DEPTOR: variants seen among roughly 807,000 people sequenced by gnomAD.
DEPTOR encodes the protein DEP domain-containing mTOR-interacting protein.
In DEPTOR, 41 loss-of-function variants were observed where a neutral mutation model predicts 41.6. That is an observed-to-expected ratio of 0.98 (90% CI 0.77 to 1.28). The LOEUF (loss-of-function observed/expected upper bound fraction) is 1.28. Ranked by LOEUF, DEPTOR falls within the 50% of genes most tolerant of loss-of-function variation. The probability of loss-of-function intolerance (pLI) is 0.00; values close to 1 mark genes in which losing one functional copy is unlikely to be tolerated. For missense variants in DEPTOR, 514 were observed against 527.9 expected (o/e 0.97, Z 0.26); for synonymous variants, 195 against 192.3 (o/e 1.01, Z -0.12).
intron 1 of DEPTOR, 85 bp downstream of exon 1, chr8:119,874,053 C>G: frequency 1.3e-6 from 2 of 1,575,914 alleles, no homozygotes; most frequent in South Asian, 2.3e-5. Context: ...CGCTCCCTGG[C>G]TCGTGGCTTG....
At chr8:119,874,910 A>G (rs1391374945) in intron 1 of DEPTOR, among the ~76,000 whole-genome samples, 1 of 151,960 alleles carries the variant, frequency 6.6e-6, no homozygotes, top group East Asian at 1.9e-4. Flanking sequence ...TTGAGCCACA[A>G]CTTGTACGCG....
intron 1 of DEPTOR, among the ~76,000 whole-genome samples, chr8:119,924,855 G>C (rs1355203421): frequency 3.3e-5 from 5 of 152,138 alleles, no homozygotes; most frequent in Admixed American, 3.3e-4. Flanking sequence ...GAGCATAGTA[G>C]GCAATAGGTG....
rs1827198329 is a variant in DEPTOR, at chr8:119,873,968, G to T, written c.122G>T (p.Arg41Leu). 2 of 1,613,494 alleles carry T rather than the reference G, an allele frequency of 1.2e-6. No individual in the cohort carries two copies. Among genetic ancestry groups the T allele is most frequent in the Non-Finnish European group, 1.7e-6 (2 of 1,179,844 alleles). Residue 41 changes from arginine to leucine, a missense_variant and splice_region_variant, in exon 1 of 9, where the codon CGG (arginine) becomes CTG (leucine). By Grantham distance (102) the Arg-to-Leu change is moderately radical. Coordinates refer to ENST00000286234, the MANE Select transcript of DEPTOR (RefSeq NM_022783.4). ...AEVLVTGEQL[R>L]LRLHEEKVIK... The stretch of plus-strand genomic sequence containing the variant: ...GTCTTGGTCACCGGGGAACAGCTAC[G>T]GTAAGGCAAGAGACACAGCGGGTGA...
intron 8 of DEPTOR, among the ~76,000 whole-genome samples, chr8:120,043,822 G>A (rs67872361): frequency 0.44 from 66,866 of 151,706 alleles, 15,659 homozygotes; most frequent in African/African-American, 0.59. Flanking sequence ...GACCAGCCTC[G>A]CCAACATGGT....
At chr8:119,955,579 G>A (rs1374334773) in intron 3 of DEPTOR, among the ~76,000 whole-genome samples, 1 of 151,670 alleles carries the variant, frequency 6.6e-6, no homozygotes, top group Non-Finnish European at 1.5e-5. Flanking sequence ...CGATTCTCCT[G>A]CCTCAGCCTC....
At position 119,874,099 on chromosome 8, in the gene DEPTOR, G is replaced by A. The variant is rs936132580; in HGVS notation, c.122+131G>A. 4 of 1,485,858 alleles carry A rather than the reference G, an allele frequency of 2.7e-6. No homozygotes were observed. The African/African-American group carries it at 5.8e-5, about 22-fold the overall frequency. The allele number at this position is 1,485,858 out of a possible 1,614,324, so 92.0% of individuals were successfully genotyped here. ...GGGGCGCCGGAACGGCTGCGGGCGCGTGGATGGTCCTCGGTGCGCCCGCGC... is the reference window on the plus strand; with the variant it reads ...GGGGCGCCGGAACGGCTGCGGGCGCATGGATGGTCCTCGGTGCGCCCGCGC... On this transcript the variant is annotated intron_variant, in intron 1 of 8. Coordinates refer to ENST00000286234, the MANE Select transcript of DEPTOR (RefSeq NM_022783.4).
intron 1 of DEPTOR, among the ~76,000 whole-genome samples, chr8:119,922,794 T>C (rs1237133532): frequency 6.6e-6 from 1 of 152,246 alleles, no homozygotes; most frequent in East Asian, 1.9e-4. Context: ...CAAGTCTTTG[T>C]ATTCCTAATC....
At chr8:119,920,273 T>C (rs1042457005) in intron 1 of DEPTOR, among the ~76,000 whole-genome samples, 1 of 152,168 alleles carries the variant, frequency 6.6e-6, no homozygotes, top group African/African-American at 2.4e-5. Flanking sequence ...TTCACATCAA[T>C]GAGATTTCTA....
intron 1 of DEPTOR, among the ~76,000 whole-genome samples, chr8:119,882,418 T>A (rs1181830140): frequency 6.6e-6 from 1 of 152,034 alleles, no homozygotes; most frequent in Non-Finnish European, 1.5e-5. Flanking sequence ...TTTATTTTTT[T>A]AGACAGTGTC....
At chr8:119,910,795 C>T (rs1827726581) in intron 1 of DEPTOR, among the ~76,000 whole-genome samples, 1 of 152,060 alleles carries the variant, frequency 6.6e-6, no homozygotes, top group South Asian at 2.1e-4. Flanking sequence ...ATCACAGTAC[C>T]AAGTGTATTT....
At chr8:120,047,279 C>T (rs138019571) in intron 8 of DEPTOR, among the ~76,000 whole-genome samples, 1,930 of 152,150 alleles carry the variant, frequency 0.013, 45 homozygotes, top group African/African-American at 0.044. Context: ...GCTTCGGCCT[C>T]CCAAAGTGCT....
intron 5 of DEPTOR, among the ~76,000 whole-genome samples, chr8:120,002,283 G>T (rs764191871): frequency 1.3e-5 from 2 of 150,626 alleles, no homozygotes; most frequent in Non-Finnish European, 2.9e-5. Context: ...GGGACTACAG[G>T]CACGTGTCAC....
rs1171655489 is a variant in DEPTOR at position 120,030,497 on chromosome 8, G to GTTTTTTTTTTTTTT, written c.1102-19064_1102-19051dup. 7.8e-4 allele frequency among the ~76,000 whole-genome samples: 36 copies of GTTTTTTTTTTTTTT among 46,216 alleles called. 8 individuals are homozygous for GTTTTTTTTTTTTTT. Among genetic ancestry groups the GTTTTTTTTTTTTTT allele is most frequent in the Non-Finnish European group, 1.0e-3 (27 of 26,952 alleles). 30.3% of individuals were successfully genotyped at this position (46,216 alleles called of 152,430 possible). ...AATGATGTATTGTGTAGGTTCATCA[G>GTTTTTTTTTTTTTT]TTTTTTTTTTTTTTTTTTTTTTTTT... On this transcript the variant is annotated intron_variant, in intron 8 of 8. Coordinates refer to ENST00000286234, the MANE Select transcript of DEPTOR (RefSeq NM_022783.4).
At chr8:120,046,629 A>G (rs1161180620) in intron 8 of DEPTOR, among the ~76,000 whole-genome samples, 1 of 152,048 alleles carries the variant, frequency 6.6e-6, no homozygotes, top group African/African-American at 2.4e-5. Context: ...ATATAGATAT[A>G]TATATTTTGT....
intron 3 of DEPTOR, among the ~76,000 whole-genome samples, chr8:119,932,157 T>C (rs1322020600): frequency 6.6e-6 from 1 of 151,692 alleles, no homozygotes; most frequent in African/African-American, 2.4e-5. Flanking sequence ...ATTTTTTTTT[T>C]AACTTTTTGT....
intron 4 of DEPTOR, among the ~76,000 whole-genome samples, chr8:119,980,453 T>TTTTTCTTTTCCTTTTCTTTTC (rs1828748238): frequency 9.0e-6 from 1 of 110,910 alleles, no homozygotes; most frequent in African/African-American, 3.7e-5. Context: ...TCATTTTTCT[T>TTTTTCTTTTCCTTTTCTTTTC]TTTTCTTTTC....
At chr8:119,883,553 C>A (rs1182910108) in intron 1 of DEPTOR, among the ~76,000 whole-genome samples, 1 of 149,698 alleles carries the variant, frequency 6.7e-6, no homozygotes, top group African/African-American at 2.5e-5. Context: ...TAGGGTGTAG[C>A]AAAAGGGAAC....
chr8:119,970,997 A>G (rs548430470), intron 4 of DEPTOR, among the ~76,000 whole-genome samples: 11 of 152,274 alleles, frequency 7.2e-5, no homozygotes, highest in South Asian at 4.2e-4. Flanking sequence ...CTGGGAGGCC[A>G]AGGCGGGCGG....
chr8:119,999,857 A>G (rs1004958455), intron 4 of DEPTOR, among the ~76,000 whole-genome samples: 1 of 152,164 alleles, frequency 6.6e-6, no homozygotes, highest in Non-Finnish European at 1.5e-5. Context: ...ACAGGGAGAG[A>G]GTTCTTCTGC....
Sources: gnomAD v4.1 joint callset for allele counts (sites outside exome capture counted in the v4.1 genomes callset) on GRCh38, gnomAD v4.1.1 for gene constraint, MANE v1.5 for transcripts, NCBI Gene and HGNC (gene_info 2026-07-23, HGNC 2026-07-21) for gene names.